AUTS2: variants seen among roughly 807,000 people sequenced by gnomAD.
The protein encoded by AUTS2 is autism susceptibility gene 2 protein.
AUTS2 carries 17 observed loss-of-function variants against 112.4 expected under a neutral mutation model. That is an observed-to-expected ratio of 0.15 (90% CI 0.10 to 0.23). The LOEUF (loss-of-function observed/expected upper bound fraction) is 0.23. Among genes scored for constraint, AUTS2 ranks in the 10% least tolerant of loss-of-function variants. AUTS2 has a pLI of 1.00. For synonymous variants in AUTS2, 751 were observed against 702.7 expected, an observed-to-expected ratio of 1.07 and a Z score of -1.09; for missense variants, 1,510 against 1,701.6, an observed-to-expected ratio of 0.89 and a Z score of 1.98.
rs138885541 is a variant in AUTS2, at chr7:69,631,521, C to T, written c.309+31559C>T. Among the ~76,000 whole-genome samples the T allele has an allele frequency of 3.5e-3, 540 of 152,224 alleles. 3 individuals carry two copies. Among genetic ancestry groups the T allele is most frequent in the Middle Eastern group, 0.02 (6 of 294 alleles). On this transcript the variant is annotated intron_variant, in intron 1 of 18. Coordinates refer to ENST00000342771, the MANE Select transcript of AUTS2 (RefSeq NM_015570.4). ...GACAGCCAAACAGCCTGGTGGTTAG[C>T]GTGATGGAGGAACTTCTTAAGCTGG...
At chr7:69,954,039 C>T (rs970540686) in intron 2 of AUTS2, among the ~76,000 whole-genome samples, 2 of 152,136 alleles carry the variant, frequency 1.3e-5, no homozygotes, top group South Asian at 4.2e-4. Flanking sequence ...TTCCCCACCC[C>T]GTAGCTTTAC....
chr7:69,669,007 G>T (rs1796196277), intron 1 of AUTS2, among the ~76,000 whole-genome samples: 1 of 152,120 alleles, frequency 6.6e-6, no homozygotes, highest in Admixed American at 6.5e-5. Context: ...ACACAAGGGG[G>T]CTTTTGAGGT....
chr7:70,530,015 A>G (rs1800013129), intron 5 of AUTS2, among the ~76,000 whole-genome samples: 2 of 152,236 alleles, frequency 1.3e-5, no homozygotes, highest in African/African-American at 4.8e-5. Flanking sequence ...TTGATCTTTT[A>G]TCACCCAATT....
chr7:69,972,274 G>A (rs575765948), intron 2 of AUTS2, among the ~76,000 whole-genome samples: 2 of 152,076 alleles, frequency 1.3e-5, no homozygotes, highest in Non-Finnish European at 2.9e-5. Context: ...CTCTTTAAAT[G>A]TCTTTTGCCC....
At chr7:70,279,405 G>A (rs964424026) in intron 4 of AUTS2, among the ~76,000 whole-genome samples, 4 of 152,184 alleles carry the variant, frequency 2.6e-5, no homozygotes, top group Non-Finnish European at 5.9e-5. Context: ...TGCAGAACCC[G>A]AACGAGGCTA....
intron 1 of AUTS2, among the ~76,000 whole-genome samples, chr7:69,874,149 T>G (rs1397187660): frequency 6.6e-6 from 1 of 152,020 alleles, no homozygotes; most frequent in Non-Finnish European, 1.5e-5. Flanking sequence ...TCTCAGCAAT[T>G]TGGGAGACCA....
chr7:69,827,497 A>G (rs570886129), intron 1 of AUTS2, among the ~76,000 whole-genome samples: 8 of 152,302 alleles, frequency 5.3e-5, no homozygotes, highest in South Asian at 2.1e-4. Context: ...TGGCTGCAGT[A>G]TATTCTTCAA....
intron 1 of AUTS2, among the ~76,000 whole-genome samples, chr7:69,739,699 A>G (rs562761355): frequency 9.8e-5 from 15 of 152,326 alleles, no homozygotes; most frequent in African/African-American, 3.6e-4. Flanking sequence ...TACTATGTCA[A>G]TACAGTTGAA....
At chr7:69,788,331 C>T (rs1313586347) in intron 1 of AUTS2, among the ~76,000 whole-genome samples, 1 of 152,106 alleles carries the variant, frequency 6.6e-6, no homozygotes, top group African/African-American at 2.4e-5. Flanking sequence ...CTCATTAATT[C>T]AGCCCTATGA....
At chr7:69,731,699 A>G (rs533801820) in intron 1 of AUTS2, among the ~76,000 whole-genome samples, 7 of 152,274 alleles carry the variant, frequency 4.6e-5, no homozygotes, top group African/African-American at 1.7e-4. Context: ...GGACCTGTAC[A>G]GCTTGTGTAT....
At chr7:70,113,564 A>G (rs1340103277) in intron 2 of AUTS2, among the ~76,000 whole-genome samples, 1 of 152,214 alleles carries the variant, frequency 6.6e-6, no homozygotes, top group African/African-American at 2.4e-5. Flanking sequence ...GTTCATTTAC[A>G]TTCCTACAGA....
At chr7:69,934,804 A>AG (rs1459672498) in intron 2 of AUTS2, among the ~76,000 whole-genome samples, 2 of 152,112 alleles carry the variant, frequency 1.3e-5, no homozygotes, top group Non-Finnish European at 2.9e-5. Context: ...GCCACCCCTT[A>AG]GCAAGACAAA....
chr7:70,287,303 A>G (rs899496523), intron 4 of AUTS2, among the ~76,000 whole-genome samples: 4 of 152,198 alleles, frequency 2.6e-5, no homozygotes, highest in African/African-American at 9.6e-5. Flanking sequence ...TGATGTTACA[A>G]AGATGAATGA....
intron 2 of AUTS2, among the ~76,000 whole-genome samples, chr7:70,064,542 G>C (rs1355566319): frequency 1.3e-5 from 2 of 152,172 alleles, no homozygotes; most frequent in Non-Finnish European, 2.9e-5. Context: ...TATCATTCCT[G>C]AGGGCCAAGG....
intron 5 of AUTS2, among the ~76,000 whole-genome samples, chr7:70,543,336 T>C (rs1377009107): frequency 6.6e-6 from 1 of 152,004 alleles, no homozygotes; most frequent in Non-Finnish European, 1.5e-5. Context: ...ACCTCGTCTC[T>C]ACTAAAAATA....
intron 2 of AUTS2, among the ~76,000 whole-genome samples, chr7:70,113,908 T>C (rs967128643): frequency 2.0e-5 from 3 of 152,228 alleles, no homozygotes. Flanking sequence ...ACATGTTCAT[T>C]AGCAGTGACA....
intron 5 of AUTS2, among the ~76,000 whole-genome samples, chr7:70,620,151 T>G (rs1804593232): frequency 6.6e-6 from 1 of 152,136 alleles, no homozygotes. Flanking sequence ...CTTTACTCCT[T>G]AGCACATAGC....
At chr7:69,961,465 G>A (rs576103403) in intron 2 of AUTS2, among the ~76,000 whole-genome samples, 5 of 152,186 alleles carry the variant, frequency 3.3e-5, no homozygotes, top group Admixed American at 3.3e-4. Context: ...GAACCTTTTA[G>A]GAAAATCTCT....
At chr7:70,708,716 C>G (rs1009968085) in intron 6 of AUTS2, among the ~76,000 whole-genome samples, 8 of 152,084 alleles carry the variant, frequency 5.3e-5, no homozygotes, top group African/African-American at 1.2e-4. Flanking sequence ...TTTAGAGAGC[C>G]CCAGAATCTG....
Sources: allele counts gnomAD v4.1 joint callset (sites outside exome capture counted in the v4.1 genomes callset), GRCh38; gene constraint gnomAD v4.1.1; transcripts MANE v1.5; gene names NCBI Gene and HGNC (gene_info 2026-07-23, HGNC 2026-07-21).